Variants in CCDC170 observed in about 807,000 individuals in gnomAD.
CCDC170 encodes the protein coiled-coil domain containing 170, also known as coiled-coil domain-containing protein 170.
CCDC170 carries 69 observed loss-of-function variants against 72.6 expected under a neutral mutation model. That is an observed-to-expected ratio of 0.95 (90% CI 0.78 to 1.16). The LOEUF is 1.16. Among genes scored for constraint, CCDC170 ranks in the 50% most tolerant of loss-of-function variants. The pLI, the probability that CCDC170 is intolerant of heterozygous loss-of-function variation, is 0.00. For synonymous variants in CCDC170, 300 were observed against 303.9 expected (o/e 0.99, Z 0.13); for missense variants, 852 against 832.5 (o/e 1.02, Z -0.29).
intron 1 of CCDC170, among the ~76,000 whole-genome samples, chr6:151,501,513 A>G (rs1781994590): frequency 6.6e-6 from 1 of 152,098 alleles, no homozygotes; most frequent in Non-Finnish European, 1.5e-5. Context: ...TTCAGAATAA[A>G]AAAGTCTCAA....
intron 7 of CCDC170, among the ~76,000 whole-genome samples, chr6:151,587,335 C>T (rs1275153944): frequency 6.6e-6 from 1 of 151,958 alleles, no homozygotes; most frequent in African/African-American, 2.4e-5. Flanking sequence ...AGGGGAGCGA[C>T]CTTCTAGTAG....
At chr6:151,594,724 T>C (rs887275510) in intron 8 of CCDC170, among the ~76,000 whole-genome samples, 1 of 151,960 alleles carries the variant, frequency 6.6e-6, no homozygotes, top group Non-Finnish European at 1.5e-5. Context: ...CGATCTCGGC[T>C]CACTGCAACC....
At chr6:151,525,353 T>C (rs1433936550) in intron 1 of CCDC170, among the ~76,000 whole-genome samples, 1 of 152,212 alleles carries the variant, frequency 6.6e-6, no homozygotes, top group Non-Finnish European at 1.5e-5. Context: ...CCAGATGGCC[T>C]GAAGCAACTG....
intron 1 of CCDC170, among the ~76,000 whole-genome samples, chr6:151,527,561 CTG>C (rs1333271040): frequency 6.6e-6 from 1 of 152,064 alleles, no homozygotes; most frequent in East Asian, 1.9e-4. Context: ...AATGTATACA[CTG>C]TAAATTAGGG....
intron 5 of CCDC170, among the ~76,000 whole-genome samples, chr6:151,557,993 G>A (rs1334787962): frequency 7.3e-6 from 1 of 136,718 alleles, no homozygotes; most frequent in Non-Finnish European, 1.5e-5. Flanking sequence ...CCAGCTACTC[G>A]GGAGGCTGAG....
At chr6:151,554,881 T>TTG (rs1554222446) in intron 5 of CCDC170, among the ~76,000 whole-genome samples, 4 of 141,158 alleles carry the variant, frequency 2.8e-5, no homozygotes, top group Admixed American at 1.4e-4. Flanking sequence ...AGTTTTTTTT[T>TTG]TTTTTTTTTT....
chr6:151,543,414 G>A (rs1196029511), intron 3 of CCDC170, among the ~76,000 whole-genome samples: 1 of 150,390 alleles, frequency 6.6e-6, no homozygotes, highest in African/African-American at 2.5e-5. Context: ...AGGGAAATTA[G>A]TAAATCCATC....
intron 1 of CCDC170, among the ~76,000 whole-genome samples, chr6:151,503,189 A>G (rs1283502980): frequency 6.6e-6 from 1 of 152,080 alleles, no homozygotes; most frequent in Non-Finnish European, 1.5e-5. Context: ...AAAAAAAGTT[A>G]TATCCTGGTG....
In CCDC170 at chr6:151,548,543, A is replaced by G. The variant is rs557240426; in HGVS notation, c.774+54A>G. On this transcript the variant is annotated intron_variant, in intron 5 of 10. Coordinates refer to ENST00000239374, the MANE Select transcript of CCDC170 (RefSeq NM_025059.4). Reference sequence around the variant, plus strand: ...CTGGGACCATGTTGAAGAAGCAGAAATGGAAGAGATGGATGTCAGATAAGT... The same window carrying G: ...CTGGGACCATGTTGAAGAAGCAGAAGTGGAAGAGATGGATGTCAGATAAGT... 5 of 1,417,456 alleles carry G rather than the reference A, an allele frequency of 3.5e-6. No homozygotes were observed. In the African/African-American group the frequency reaches 5.7e-5, roughly 16 times the overall value. 87.8% of individuals were successfully genotyped at this position (1,417,456 alleles called of 1,614,324 possible). A position where few individuals can be genotyped will look rare whatever the true frequency, so the allele number is the denominator to read the frequency against.
At chr6:151,552,751 G>A (rs1224702763) in intron 5 of CCDC170, among the ~76,000 whole-genome samples, 6 of 140,198 alleles carry the variant, frequency 4.3e-5, no homozygotes, top group Non-Finnish European at 6.1e-5. Flanking sequence ...TCAGGCCACT[G>A]AACTAAAACC....
chr6:151,597,338 G>A (rs1033058166), intron 9 of CCDC170, among the ~76,000 whole-genome samples: 2 of 151,908 alleles, frequency 1.3e-5, no homozygotes, highest in African/African-American at 4.8e-5. Flanking sequence ...ATGTTGGCCA[G>A]ACTGGTCCCC....
At chr6:151,518,766 A>T (rs1006919235) in intron 1 of CCDC170, among the ~76,000 whole-genome samples, 1 of 152,214 alleles carries the variant, frequency 6.6e-6, no homozygotes, top group African/African-American at 2.4e-5. Flanking sequence ...CATGGGTGAC[A>T]TCACATATCG....
chr6:151,600,652 T>A (rs1776692335), intron 9 of CCDC170, among the ~76,000 whole-genome samples: 1 of 152,212 alleles, frequency 6.6e-6, no homozygotes, highest in Non-Finnish European at 1.5e-5. Context: ...CTACACTTAT[T>A]AAATTAACAA....
At chr6:151,590,591 A>G (rs2115111131) in intron 7 of CCDC170, among the ~76,000 whole-genome samples, 1 of 152,388 alleles carries the variant, frequency 6.6e-6, no homozygotes, top group Non-Finnish European at 1.5e-5. Flanking sequence ...ACTCAAAGAC[A>G]GTAGAATGCA....
rs1443823209 is a variant in CCDC170 at position 151,618,490 on chromosome 6, T to C, written c.*343T>C. On this transcript the variant is annotated 3_prime_UTR_variant, in exon 11 of 11. Transcript: ENST00000239374. ...CGATTTAGTTCTCACAATAACCATG[T>C]GGAGAAGCTGTGACATTTTTAATTT... is the stretch of plus-strand genomic sequence containing the variant. 4.0e-6 allele frequency: 1 copy of C among 252,196 alleles called. No individual in the cohort carries two copies. Among genetic ancestry groups the C allele is most frequent in the African/African-American group, 2.2e-5 (1 of 44,758 alleles). 15.6% of individuals were successfully genotyped at this position (252,196 alleles called of 1,614,324 possible).
At chr6:151,546,795 T>C (rs1583020147) in intron 4 of CCDC170, among the ~76,000 whole-genome samples, 1 of 152,190 alleles carries the variant, frequency 6.6e-6, no homozygotes, top group Non-Finnish European at 1.5e-5. Flanking sequence ...GCCCTGGTGC[T>C]TCCCCATTGC....
At chr6:151,613,422 G>C (rs1161207279) in intron 9 of CCDC170, among the ~76,000 whole-genome samples, 1 of 152,132 alleles carries the variant, frequency 6.6e-6, no homozygotes, top group African/African-American at 2.4e-5. Context: ...GTACAATTTA[G>C]TGATTTTTAG....
At chr6:151,496,942 G>A (rs923734636) in intron 1 of CCDC170, among the ~76,000 whole-genome samples, 4 of 152,184 alleles carry the variant, frequency 2.6e-5, no homozygotes, top group South Asian at 2.1e-4. Context: ...ATTAGCTATC[G>A]TTATTCTTTG....
At chr6:151,514,136 T>TA (rs1187793885) in intron 1 of CCDC170, among the ~76,000 whole-genome samples, 2 of 151,084 alleles carry the variant, frequency 1.3e-5, no homozygotes, top group Non-Finnish European at 2.9e-5. Context: ...ACTCCATCTC[T>TA]AAAAAATTAC....
Sources: gnomAD v4.1 joint callset for allele counts (sites outside exome capture counted in the v4.1 genomes callset) on GRCh38, gnomAD v4.1.1 for gene constraint, MANE v1.5 for transcripts, NCBI Gene and HGNC (gene_info 2026-07-23, HGNC 2026-07-21) for gene names.